ZNF451: variants seen among roughly 807,000 people sequenced by gnomAD.
The protein encoded by ZNF451 is zinc finger protein 451, also known as E3 SUMO-protein ligase ZNF451.
A neutral mutation model predicts 107.1 loss-of-function variants in ZNF451; 80 were observed. That is an observed-to-expected ratio of 0.75 (90% CI 0.62 to 0.90). ZNF451 has a LOEUF of 0.90. Among genes scored for constraint, ZNF451 ranks in the 40% least tolerant of loss-of-function variants. The pLI is 0.00. For synonymous variants in ZNF451, 362 were observed against 406.5 expected (o/e 0.89, Z 1.32); for missense variants, 1,107 against 1,236.2 (o/e 0.90, Z 1.57).
At chr6:57,157,333 TGTTAATTGAAA>T (rs1330454738) in intron 13 of ZNF451, among the ~76,000 whole-genome samples, 3 of 152,218 alleles carry the variant, frequency 2.0e-5, no homozygotes, top group Non-Finnish European at 4.4e-5. Context: ...CTAATTTCTC[TGTTAATTGAAA>T]GTCTTTCCAG....
rs1052234465 is a variant in ZNF451, at chr6:57,105,887, A to C, written c.186+6746A>C. 8.2e-5 allele frequency: 81 copies of C among 984,356 alleles called. No homozygotes were observed. The Admixed American group carries it at 9.2e-4, about 11-fold the overall frequency. 61.0% of individuals were successfully genotyped at this position (984,356 alleles called of 1,614,324 possible). On this transcript the variant is annotated intron_variant, in intron 3 of 14. Coordinates refer to ENST00000370706, the MANE Select transcript of ZNF451 (RefSeq NM_001031623.3). ...CTTCCTTATCAGTATAATTACATTT[A>C]AACTTTTTTTTTTAAACCGTGTGGC...
chr6:57,096,748 C>T (rs1206948456), intron 2 of ZNF451, among the ~76,000 whole-genome samples: 2 of 141,470 alleles, frequency 1.4e-5, no homozygotes, highest in East Asian at 2.1e-4. Context: ...CTTCTTGGAT[C>T]GAACATACAA....
intron 13 of ZNF451, chr6:57,159,510 T>A: frequency 3.0e-5 from 9 of 300,742 alleles, no homozygotes; most frequent in Non-Finnish European, 4.4e-5. Flanking sequence ...TAAACTTTCT[T>A]AAAACATTAT....
At chr6:57,152,810 T>C (rs950013773) in intron 12 of ZNF451, among the ~76,000 whole-genome samples, 2 of 152,166 alleles carry the variant, frequency 1.3e-5, no homozygotes, top group Non-Finnish European at 2.9e-5. Context: ...GCCAGGCTGG[T>C]CTCAAACTCC....
At chr6:57,119,855 CTTT>C (rs370426779) in intron 3 of ZNF451, among the ~76,000 whole-genome samples, 1 of 143,146 alleles carries the variant, frequency 7.0e-6, no homozygotes, top group African/African-American at 2.5e-5. Flanking sequence ...ATTGTCATTA[CTTT>C]TTTTTTTTTT....
intron 4 of ZNF451, 87 bp downstream of exon 4, chr6:57,124,946 T>C (rs901133876): frequency 2.1e-6 from 2 of 945,302 alleles, no homozygotes; most frequent in Non-Finnish European, 2.8e-6. Context: ...AAAAAAGATA[T>C]GATTTAATCA....
intron 3 of ZNF451, chr6:57,102,568 C>G (rs182028934): frequency 2.0e-6 from 2 of 987,030 alleles, no homozygotes; most frequent in Admixed American, 1.2e-4. Context: ...TTCAGTTTGA[C>G]AGATCTTCAC....
chr6:57,121,712 C>T (rs1286864125), intron 3 of ZNF451, among the ~76,000 whole-genome samples: 1 of 152,134 alleles, frequency 6.6e-6, no homozygotes, highest in Non-Finnish European at 1.5e-5. Context: ...CTATAAAACA[C>T]TGCTGAAAGA....
rs773477753 is a variant in ZNF451, at chr6:57,124,797, C to T, written c.250C>T (p.Arg84Cys). 6.8e-6 allele frequency: 11 copies of T among 1,610,028 alleles called. No homozygotes were observed. Among genetic ancestry groups the T allele is most frequent in the Admixed American group, 3.3e-5 (2 of 59,866 alleles). Residue 84 changes from arginine (R) to cysteine (C), a missense_variant, in exon 4 of 15, where the codon CGT (arginine) becomes TGT (cysteine). By Grantham distance (180) the Arg-to-Cys change is radical. Coordinates refer to ENST00000370706, the MANE Select transcript of ZNF451 (RefSeq NM_001031623.3). ...GGATAAAGTTGCTTTAACTCTGGCTCGTCTAGCCCGCCATGTTGAAGTGGA... is the reference window on the plus strand; with the variant it reads ...GGATAAAGTTGCTTTAACTCTGGCTTGTCTAGCCCGCCATGTTGAAGTGGA... ...QKDKVALTLA[R>C]LARHVEVEKQ...
intron 5 of ZNF451, among the ~76,000 whole-genome samples, chr6:57,130,508 A>G (rs1416214312): frequency 6.6e-6 from 1 of 152,156 alleles, no homozygotes. Context: ...CTTTTGGGAA[A>G]GATCCCTAGG....
intron 3 of ZNF451, 67 bp downstream of exon 3, chr6:57,099,208 GTT>G: frequency 7.9e-7 from 1 of 1,270,150 alleles, no homozygotes; most frequent in Non-Finnish European, 1.1e-6. Flanking sequence ...TCTAAAGAGA[GTT>G]ACCAAATCAG....
At chr6:57,099,863 TG>T (rs1483967354) in intron 3 of ZNF451, among the ~76,000 whole-genome samples, 1 of 152,194 alleles carries the variant, frequency 6.6e-6, no homozygotes, top group African/African-American at 2.4e-5. Context: ...TCTTGCTCTG[TG>T]ATATAGGGGA....
chr6:57,163,618 T>G (rs1405239303), intron 14 of ZNF451, among the ~76,000 whole-genome samples: 27 of 144,222 alleles, frequency 1.9e-4, no homozygotes, highest in Admixed American at 2.1e-4. Flanking sequence ...GCCCGGCTAA[T>G]TTTTTGTATT....
At chr6:57,107,791 G>A in intron 3 of ZNF451, 1 of 983,848 alleles carries the variant, frequency 1.0e-6, no homozygotes, top group Non-Finnish European at 1.2e-6. Context: ...TAGTATTCCT[G>A]AGTATATTCC....
At chr6:57,121,086 C>T (rs1246292355) in intron 3 of ZNF451, among the ~76,000 whole-genome samples, 1 of 152,060 alleles carries the variant, frequency 6.6e-6, no homozygotes, top group Non-Finnish European at 1.5e-5. Flanking sequence ...GGTCTAGATT[C>T]ATTGTTTTTT....
At chr6:57,160,998 C>G (rs1763648238) in intron 13 of ZNF451, 86 bp from the exon 14 acceptor site, 2 of 805,284 alleles carry the variant, frequency 2.5e-6, no homozygotes, top group African/African-American at 3.6e-5. Context: ...AATGAGTAAG[C>G]TTGGGTATGA....
intron 2 of ZNF451, among the ~76,000 whole-genome samples, chr6:57,094,056 T>A (rs1469412868): frequency 6.6e-6 from 1 of 152,228 alleles, no homozygotes; most frequent in Middle Eastern, 3.2e-3. Flanking sequence ...GTAAACTACC[T>A]TTTTAGTAGA....
chr6:57,147,077 T>C lies in ZNF451; in HGVS notation c.1005-13T>C. The C allele has an allele frequency of 6.4e-7, 1 of 1,564,450 alleles. No homozygotes were observed. The highest frequency in any genetic ancestry group is 8.6e-7 in the Non-Finnish European group (1 of 1,157,570). ...CTTCTGAAAGACTTTCTATTTCTTT[T>C]TATCTAATTTAGAGTTCATTGTCGA... On this transcript the variant is annotated splice_polypyrimidine_tract_variant and intron_variant, in intron 9 of 14. Coordinates refer to ENST00000370706, the MANE Select transcript of ZNF451 (RefSeq NM_001031623.3).
intron 3 of ZNF451, among the ~76,000 whole-genome samples, chr6:57,123,072 A>G (rs1369644300): frequency 6.6e-6 from 1 of 152,100 alleles, no homozygotes; most frequent in Non-Finnish European, 1.5e-5. Context: ...GGAGGCTGAG[A>G]CAGGAGGATT....
Sources: gnomAD v4.1 joint callset for allele counts (sites outside exome capture counted in the v4.1 genomes callset) on GRCh38, gnomAD v4.1.1 for gene constraint, MANE v1.5 for transcripts, NCBI Gene and HGNC (gene_info 2026-07-23, HGNC 2026-07-21) for gene names.